The following DPYD variants were observed in gnomAD, a reference collection of about 807,000 sequenced individuals.
The protein encoded by DPYD is dihydropyrimidine dehydrogenase [NADP(+)].
DPYD carries 109 observed loss-of-function variants against 116.2 expected under a neutral mutation model. The observed-to-expected ratio is 0.94, with a 90% CI of 0.80 to 1.10. The LOEUF is 1.10. Ranked by LOEUF, DPYD falls within the 50% of genes least tolerant of loss-of-function variation. The pLI, the probability that DPYD is intolerant of heterozygous loss-of-function variation, is 0.00. For missense variants in DPYD, 1,302 were observed against 1,254.5 expected (o/e 1.04, Z -0.57); for synonymous variants, 440 against 432.0 (o/e 1.02, Z -0.23).
At chr1:97,586,954 A>G (rs1654169292) in intron 10 of DPYD, among the ~76,000 whole-genome samples, 1 of 152,194 alleles carries the variant, frequency 6.6e-6, no homozygotes, top group Non-Finnish European at 1.5e-5. Flanking sequence ...TCATTCATAT[A>G]TATTTCTCTG....
At chr1:97,359,137 A>C (rs1436310251) in intron 16 of DPYD, among the ~76,000 whole-genome samples, 1 of 152,192 alleles carries the variant, frequency 6.6e-6, no homozygotes, top group African/African-American at 2.4e-5. Context: ...TGGAGTTGAA[A>C]ACCATGACAC....
At chr1:97,152,528 AAATATATCTATT>A (rs1367585215) in intron 20 of DPYD, among the ~76,000 whole-genome samples, 5 of 151,568 alleles carry the variant, frequency 3.3e-5, no homozygotes, top group Admixed American at 1.3e-4. Flanking sequence ...TAATATCTAT[AAATATATCTATT>A]AAATTATAAT....
At chr1:97,274,543 A>G (rs117235559) in intron 18 of DPYD, among the ~76,000 whole-genome samples, 1 of 152,214 alleles carries the variant, frequency 6.6e-6, no homozygotes, top group East Asian at 1.9e-4. Context: ...TTTCTTTATA[A>G]ATTACCCAGC....
intron 14 of DPYD, among the ~76,000 whole-genome samples, chr1:97,395,125 A>G (rs981230555): frequency 1.3e-5 from 2 of 151,530 alleles, no homozygotes; most frequent in Non-Finnish European, 2.9e-5. Context: ...ATTCCTCAGT[A>G]TCCTTTGCAT....
At chr1:97,159,068 G>T (rs1338545576) in intron 20 of DPYD, among the ~76,000 whole-genome samples, 1 of 152,020 alleles carries the variant, frequency 6.6e-6, no homozygotes, top group Non-Finnish European at 1.5e-5. Flanking sequence ...CATTTTGACT[G>T]CTCTCAAAAT....
intron 13 of DPYD, among the ~76,000 whole-genome samples, chr1:97,485,194 C>T (rs777678845): frequency 2.6e-5 from 4 of 151,776 alleles, no homozygotes; most frequent in African/African-American, 9.7e-5. Flanking sequence ...CTCTGACATA[C>T]TCTCGTTTGT....
intron 5 of DPYD, among the ~76,000 whole-genome samples, chr1:97,705,278 C>T (rs1027945230): frequency 1.3e-5 from 2 of 152,024 alleles, no homozygotes; most frequent in Admixed American, 1.3e-4. Context: ...GCTATCCCTC[C>T]CCGCTCCCCC....
chr1:97,788,619 A>C (rs1412949754), intron 3 of DPYD, among the ~76,000 whole-genome samples: 2 of 152,234 alleles, frequency 1.3e-5, no homozygotes, highest in African/African-American at 4.8e-5. Context: ...ATGGTTGATT[A>C]TGTAGCAATT....
chr1:97,261,279 G>A lies in DPYD; in HGVS notation c.2300-26285C>T, dbSNP rs111760482. Among the ~76,000 whole-genome samples the A allele has an allele frequency of 3.8e-3, 577 of 152,066 alleles. 1 individual carries two copies. The highest frequency in any genetic ancestry group is 8.5e-3 in the South Asian group (41 of 4,816). ...GGGGAGCTAATGGATGCCTCTATGC[G>A]CTGGGCACTGTGATGGACACCTTTA... On this transcript the variant is annotated intron_variant, in intron 18 of 22. Transcript: ENST00000370192.
chr1:97,295,722 C>T (rs879560601), intron 18 of DPYD: 1 of 978,354 alleles, frequency 1.0e-6, no homozygotes, highest in African/African-American at 1.7e-5. Context: ...TGAGCCATCG[C>T]TCTCAGCCTG....
intron 20 of DPYD, among the ~76,000 whole-genome samples, chr1:97,105,547 T>C (rs1270627376): frequency 6.6e-6 from 1 of 151,992 alleles, no homozygotes; most frequent in Non-Finnish European, 1.5e-5. Flanking sequence ...CTGAAAAGAA[T>C]AGAAACCAAC....
chr1:97,870,860 T>C (rs1390138753), intron 2 of DPYD, among the ~76,000 whole-genome samples: 1 of 151,874 alleles, frequency 6.6e-6, no homozygotes, highest in Non-Finnish European at 1.5e-5. Context: ...TGTCTACCTA[T>C]TCAGGCCTCT....
At position 97,222,923 on chromosome 1, in the gene DPYD, G is replaced by A. The variant is rs138025786; in HGVS notation, c.2442+11929C>T. On this transcript the variant is annotated intron_variant, in intron 19 of 22. Coordinates refer to ENST00000370192, the MANE Select transcript of DPYD (RefSeq NM_000110.4). Reference sequence around the variant, plus strand: ...ACCCTCTGGCCTGAAACTGAATGATGATGAAATAAAAAATTAGAAGTTATT... The same window carrying A: ...ACCCTCTGGCCTGAAACTGAATGATAATGAAATAAAAAATTAGAAGTTATT... 1.6e-3 allele frequency among the ~76,000 whole-genome samples: 249 copies of A among 152,088 alleles called. 1 individual carries two copies. Among genetic ancestry groups the A allele is most frequent in the African/African-American group, 5.8e-3 (239 of 41,524 alleles).
intron 12 of DPYD, among the ~76,000 whole-genome samples, chr1:97,529,045 T>G (rs74105258): frequency 3.7e-4 from 56 of 152,298 alleles, no homozygotes; most frequent in African/African-American, 1.3e-3. Context: ...TAGTCACATG[T>G]GCCTTCTACC....
intron 11 of DPYD, among the ~76,000 whole-genome samples, chr1:97,552,371 C>T (rs1450157326): frequency 6.6e-6 from 1 of 152,030 alleles, no homozygotes; most frequent in African/African-American, 2.4e-5. Context: ...GAACAATTCA[C>T]TTTAACACTC....
intron 12 of DPYD, among the ~76,000 whole-genome samples, chr1:97,544,030 C>G (rs1302802381): frequency 6.6e-6 from 1 of 152,132 alleles, no homozygotes; most frequent in Non-Finnish European, 1.5e-5. Flanking sequence ...ATCAGCATCT[C>G]AAAGCTAAGA....
chr1:97,909,029 C>A (rs1404384216), intron 1 of DPYD, among the ~76,000 whole-genome samples: 1 of 152,144 alleles, frequency 6.6e-6, no homozygotes, highest in Non-Finnish European at 1.5e-5. Flanking sequence ...ATGTTCAATT[C>A]TTGACTGCAA....
At position 97,820,858 on chromosome 1, in the gene DPYD, C is replaced by T. The variant is rs377130599; in HGVS notation, c.233+7256G>A. Among the ~76,000 whole-genome samples the T allele has an allele frequency of 2.6e-5, 4 of 152,218 alleles. No homozygotes were observed. The South Asian group carries it at 6.2e-4, about 24-fold the overall frequency. ...TTGCCATAGAGATATACTCATAAAT[C>T]TATTAACAATCTATATTTTATGTGT... is the stretch of plus-strand genomic sequence containing the variant. On this transcript the variant is annotated intron_variant, in intron 3 of 22. Transcript: ENST00000370192.
intron 3 of DPYD, among the ~76,000 whole-genome samples, chr1:97,755,536 T>C (rs1665181011): frequency 6.6e-6 from 1 of 152,186 alleles, no homozygotes; most frequent in Non-Finnish European, 1.5e-5. Context: ...ATGAGTCTGC[T>C]TCACAGAGCT....
Sources: allele counts gnomAD v4.1 joint callset (sites outside exome capture counted in the v4.1 genomes callset), GRCh38; gene constraint gnomAD v4.1.1; transcripts MANE v1.5; gene names NCBI Gene and HGNC (gene_info 2026-07-23, HGNC 2026-07-21).